The following PRR16 variants were observed in gnomAD, a reference collection of about 807,000 sequenced individuals.
PRR16 encodes the protein proline rich 16.
A neutral mutation model predicts 18.2 loss-of-function variants in PRR16; 6 were observed. That is an observed-to-expected ratio of 0.33 (90% CI 0.18 to 0.65). The LOEUF is 0.65. Ranked by LOEUF, PRR16 falls within the 30% of genes least tolerant of loss-of-function variation. The pLI is 0.74. For missense variants in PRR16, 412 were observed against 376.6 expected, an observed-to-expected ratio of 1.09 and a Z score of -0.78; for synonymous variants, 151 against 147.8, an observed-to-expected ratio of 1.02 and a Z score of -0.16.
chr5:120,699,158 C>T, the PRR16 span, among the ~76,000 whole-genome samples: 20 of 151,444 alleles, frequency 1.3e-4, no homozygotes, highest in African/African-American at 9.7e-5. Flanking sequence ...AGGGAGAGGG[C>T]CTGAATTATC....
At chr5:120,562,504 T>G (rs1411069175) in intron 1 of PRR16, among the ~76,000 whole-genome samples, 2 of 152,176 alleles carry the variant, frequency 1.3e-5, no homozygotes, top group Non-Finnish European at 2.9e-5. Context: ...TAGGACTTTC[T>G]CCTGACATTT....
chr5:120,497,909 C>T (rs1328623769), intron 1 of PRR16, among the ~76,000 whole-genome samples: 1 of 151,692 alleles, frequency 6.6e-6, no homozygotes, highest in Non-Finnish European at 1.5e-5. Flanking sequence ...CTTCTCCCAT[C>T]TTTAATTCCT....
intron 1 of PRR16, among the ~76,000 whole-genome samples, chr5:120,508,142 T>C (rs1408632437): frequency 6.6e-6 from 1 of 152,156 alleles, no homozygotes; most frequent in Non-Finnish European, 1.5e-5. Context: ...ATACCTTTCC[T>C]CTTTTTCCTT....
At chr5:120,511,891 A>G (rs1750837312) in intron 1 of PRR16, among the ~76,000 whole-genome samples, 1 of 152,192 alleles carries the variant, frequency 6.6e-6, no homozygotes, top group South Asian at 2.1e-4. Context: ...AAAGTGAGAA[A>G]GCTTGCTCCT....
chr5:120,666,888 A>G (rs1171119626), intron 1 of PRR16, among the ~76,000 whole-genome samples: 5 of 146,490 alleles, frequency 3.4e-5, no homozygotes, highest in Non-Finnish European at 7.5e-5. Flanking sequence ...TTTTTGCATC[A>G]ATGTTCATCA....
At chr5:120,490,422 C>G (rs1160313528) in intron 1 of PRR16, among the ~76,000 whole-genome samples, 1 of 152,092 alleles carries the variant, frequency 6.6e-6, no homozygotes, top group Admixed American at 6.6e-5. Flanking sequence ...TCGCTGATAC[C>G]CTTTCTTCCA....
chr5:120,553,014 G>A (rs1349081984), intron 1 of PRR16, among the ~76,000 whole-genome samples: 3 of 151,716 alleles, frequency 2.0e-5, no homozygotes, highest in Non-Finnish European at 2.9e-5. Context: ...ACATAACTCC[G>A]AACTCAGACT....
intron 1 of PRR16, among the ~76,000 whole-genome samples, chr5:120,653,425 A>C (rs1308038470): frequency 6.6e-6 from 1 of 152,094 alleles, no homozygotes; most frequent in Non-Finnish European, 1.5e-5. Context: ...GTATAGTATT[A>C]ACCCATAAGT....
At chr5:120,629,893 T>C (rs934836129) in intron 1 of PRR16, among the ~76,000 whole-genome samples, 5 of 151,596 alleles carry the variant, frequency 3.3e-5, no homozygotes, top group Admixed American at 3.3e-4. Flanking sequence ...TTTCGAGAAG[T>C]CTAAAATCAG....
chr5:120,787,830 C>A, the PRR16 span, among the ~76,000 whole-genome samples: 1 of 152,042 alleles, frequency 6.6e-6, no homozygotes, highest in Non-Finnish European at 1.5e-5. Context: ...CAAAATTTTT[C>A]AACATTTTCC....
chr5:120,627,398 T>A (rs2112832452), intron 1 of PRR16, among the ~76,000 whole-genome samples: 1 of 152,206 alleles, frequency 6.6e-6, no homozygotes, highest in East Asian at 1.9e-4. Flanking sequence ...TATATTACTA[T>A]CATATTTTAA....
At chr5:120,488,773 C>A (rs529139195) in intron 1 of PRR16, among the ~76,000 whole-genome samples, 1 of 152,048 alleles carries the variant, frequency 6.6e-6, no homozygotes, top group South Asian at 2.1e-4. Context: ...CCTGCTTTCT[C>A]TTGTGTGCAT....
At chr5:120,679,367 C>A in intron 1 of PRR16, among the ~76,000 whole-genome samples, 1 of 152,096 alleles carries the variant, frequency 6.6e-6, no homozygotes, top group East Asian at 1.9e-4. Context: ...TTCAGTCCTG[C>A]TTTCTCTCAT....
chr5:120,752,383 G>A, the PRR16 span, among the ~76,000 whole-genome samples: 1 of 151,942 alleles, frequency 6.6e-6, no homozygotes, highest in South Asian at 2.1e-4. Flanking sequence ...CACAATAACA[G>A]AGAAACCTGG....
At chr5:120,785,575 G>A in the PRR16 span, among the ~76,000 whole-genome samples, 1 of 115,394 alleles carries the variant, frequency 8.7e-6, no homozygotes, top group African/African-American at 3.4e-5. Context: ...TGTTGTTGTT[G>A]TTTTTTTTTT....
chr5:120,513,385 TC>T (rs1174790922), intron 1 of PRR16, among the ~76,000 whole-genome samples: 1 of 152,198 alleles, frequency 6.6e-6, no homozygotes, highest in Non-Finnish European at 1.5e-5. Context: ...GACGGACTTC[TC>T]CTGATGGTAA....
chr5:120,673,190 T>C (rs1756674453), intron 1 of PRR16, among the ~76,000 whole-genome samples: 2 of 152,270 alleles, frequency 1.3e-5, no homozygotes, highest in Admixed American at 1.3e-4. Context: ...ATGCAATACA[T>C]TTAACTATAT....
At chr5:120,507,674 T>A (rs1750689950) in intron 1 of PRR16, among the ~76,000 whole-genome samples, 1 of 152,128 alleles carries the variant, frequency 6.6e-6, no homozygotes, top group Non-Finnish European at 1.5e-5. Flanking sequence ...TATATTTTTT[T>A]AATTAAAAGT....
intron 1 of PRR16, among the ~76,000 whole-genome samples, chr5:120,664,065 G>A (rs530924429): frequency 6.6e-6 from 1 of 152,076 alleles, no homozygotes; most frequent in Non-Finnish European, 1.5e-5. Context: ...TTTGGAGGCC[G>A]AGGCGGGCAG....
Sources: gnomAD v4.1 joint callset for allele counts (sites outside exome capture counted in the v4.1 genomes callset) on GRCh38, gnomAD v4.1.1 for gene constraint, MANE v1.5 for transcripts, NCBI Gene and HGNC (gene_info 2026-07-23, HGNC 2026-07-21) for gene names.